CUBN: variants seen among roughly 807,000 people sequenced by gnomAD.
The protein encoded by CUBN is 460 kDa receptor.
Under a neutral mutation model 405.3 loss-of-function variants are expected in CUBN, and 282 were observed. That is an observed-to-expected ratio of 0.70 (90% confidence interval 0.63 to 0.77). The LOEUF (loss-of-function observed/expected upper bound fraction) is 0.77, where lower values mean the gene tolerates loss of function less well. CUBN is among the 30% of genes least tolerant of loss of function. The probability of loss-of-function intolerance (pLI) is 0.00; values close to 1 mark genes in which losing one functional copy is unlikely to be tolerated. For missense variants in CUBN, 4,514 were observed against 4,475.2 expected (o/e 1.01, Z -0.25); for synonymous variants, 1,684 against 1,617.0 (o/e 1.04, Z -0.99).
At chr10:16,860,888 C>T (rs1307836086) in intron 59 of CUBN, among the ~76,000 whole-genome samples, 3 of 152,140 alleles carry the variant, frequency 2.0e-5, no homozygotes, top group South Asian at 4.1e-4. Flanking sequence ...AAACATCATC[C>T]CCACAGGTGC....
chr10:16,896,172 A>G (rs1333599174), intron 54 of CUBN, among the ~76,000 whole-genome samples: 1 of 152,192 alleles, frequency 6.6e-6, no homozygotes, highest in African/African-American at 2.4e-5. Context: ...AGAGGGCATT[A>G]TAATTTCTTG....
chr10:17,030,119 C>G (rs908199346), intron 27 of CUBN, among the ~76,000 whole-genome samples: 2 of 152,276 alleles, frequency 1.3e-5, no homozygotes, highest in East Asian at 1.9e-4. Flanking sequence ...TTTCCCATCA[C>G]CCCCCAGTGG....
At chr10:17,125,618 A>G (rs879943636) in intron 4 of CUBN, among the ~76,000 whole-genome samples, 3 of 152,242 alleles carry the variant, frequency 2.0e-5, no homozygotes, top group African/African-American at 4.8e-5. Flanking sequence ...GGCCTAGTAG[A>G]AAATGAAATC....
Position 16,906,462 on chromosome 10 carries a change from G to A in CUBN, c.7706-53C>T, listed in dbSNP as rs113048050. The A allele has an allele frequency of 2.7e-5, 34 of 1,249,930 alleles. 1 individual carries two copies. Among genetic ancestry groups the A allele is most frequent in the African/African-American group, 2.2e-4 (15 of 67,882 alleles). 77.4% of individuals were successfully genotyped at this position (1,249,930 alleles called of 1,614,324 possible). A position where few individuals can be genotyped will look rare whatever the true frequency, so the allele number is the denominator to read the frequency against. ...GTAGTAGTAAGATTCAGGCCACAAC[G>A]GAAGAGATAAACAATACAGGAACAG... On this transcript the variant is annotated intron_variant, in intron 49 of 66. Coordinates refer to ENST00000377833, the MANE Select transcript of CUBN (RefSeq NM_001081.4).
intron 28 of CUBN, among the ~76,000 whole-genome samples, chr10:16,991,174 A>T (rs1479741693): frequency 6.6e-6 from 1 of 152,252 alleles, no homozygotes; most frequent in Non-Finnish European, 1.5e-5. Context: ...GCAGACCATG[A>T]CAACAAATAA....
At chr10:16,867,111 G>A (rs1840210335) in intron 59 of CUBN, among the ~76,000 whole-genome samples, 2 of 152,188 alleles carry the variant, frequency 1.3e-5, no homozygotes, top group South Asian at 4.1e-4. Flanking sequence ...AAACGGAAAT[G>A]TCATAGACTA....
At chr10:16,941,064 G>A (rs550068022) in intron 36 of CUBN, among the ~76,000 whole-genome samples, 1 of 152,160 alleles carries the variant, frequency 6.6e-6, no homozygotes, top group Non-Finnish European at 1.5e-5. Flanking sequence ...AAAGAGTCTG[G>A]AACATGTAGG....
intron 28 of CUBN, among the ~76,000 whole-genome samples, chr10:16,999,579 A>G (rs1055279239): frequency 2.6e-5 from 4 of 152,214 alleles, no homozygotes; most frequent in Non-Finnish European, 4.4e-5. Context: ...TTAGTATAAA[A>G]AGGTACAAGG....
At chr10:16,920,619 G>A (rs1842008025) in intron 43 of CUBN, among the ~76,000 whole-genome samples, 1 of 152,128 alleles carries the variant, frequency 6.6e-6, no homozygotes, top group Non-Finnish European at 1.5e-5. Flanking sequence ...GGATTTAGAT[G>A]CATTTGAGAA....
intron 64 of CUBN, among the ~76,000 whole-genome samples, chr10:16,834,400 TG>T (rs1421686279): frequency 6.7e-6 from 1 of 149,592 alleles, no homozygotes; most frequent in Admixed American, 6.7e-5. Context: ...GGGGTGGGAG[TG>T]GGGGGTGGGT....
chr10:16,915,082 C>T lies in CUBN; in HGVS notation c.7301G>A (p.Gly2434Asp). 1.2e-6 allele frequency: 2 copies of T among 1,614,000 alleles called. No homozygotes were observed. Among genetic ancestry groups the T allele is most frequent in the Non-Finnish European group, 1.7e-6 (2 of 1,179,942 alleles). ...NTAVVRFVTD[G>D]SVTASGFRLR... ...TCTGAATCCTGAGGCAGTCACAGAG[C>T]CGTCTGTGACAAACCTGACCACAGC... Residue 2434 changes from glycine (G) to aspartate (D), a missense_variant, in exon 47 of 67, where the codon GGC becomes GAC. Transcript: ENST00000377833.
chr10:16,842,654 A>G (rs370681281), intron 60 of CUBN, among the ~76,000 whole-genome samples: 1 of 152,216 alleles, frequency 6.6e-6, no homozygotes, highest in African/African-American at 2.4e-5. Flanking sequence ...CGGAGCAGCC[A>G]TAGTGTTCTC....
At chr10:17,129,386 G>A in intron 1 of CUBN, 136 bp from the exon 2 acceptor site, 1 of 1,062,100 alleles carries the variant, frequency 9.4e-7, no homozygotes, top group South Asian at 1.4e-5. Flanking sequence ...AACTGCCCCT[G>A]CTCATCTGCC....
chr10:16,836,437 C>A, intron 62 of CUBN, 55 bp from the exon 63 acceptor site: 1 of 1,521,686 alleles, frequency 6.6e-7, no homozygotes, highest in Non-Finnish European at 9.1e-7. Context: ...AGAGAACAGG[C>A]CATAACAGAA....
chr10:16,876,825 G>T, intron 57 of CUBN, 72 bp downstream of exon 57: 1 of 1,250,558 alleles, frequency 8.0e-7, no homozygotes, highest in Non-Finnish European at 1.2e-6. Flanking sequence ...TGTATGAATC[G>T]CAGTGAAAAC....
intron 28 of CUBN, among the ~76,000 whole-genome samples, chr10:17,012,483 A>T (rs1834212387): frequency 6.6e-6 from 1 of 152,180 alleles, no homozygotes; most frequent in Non-Finnish European, 1.5e-5. Flanking sequence ...GCTGCCGAAG[A>T]GTCTATTTGG....
chr10:17,097,504 C>T (rs1412279767), intron 14 of CUBN, among the ~76,000 whole-genome samples: 1 of 151,946 alleles, frequency 6.6e-6, no homozygotes, highest in Non-Finnish European at 1.5e-5. Context: ...CAAATCCTTC[C>T]AGAGAATATA....
intron 43 of CUBN, among the ~76,000 whole-genome samples, chr10:16,924,251 G>A (rs1842118650): frequency 6.6e-6 from 1 of 152,148 alleles, no homozygotes. Context: ...ATCAAGAGAT[G>A]GAGGGATGAG....
chr10:17,048,738 G>A (rs983691762), intron 22 of CUBN, among the ~76,000 whole-genome samples: 1 of 152,008 alleles, frequency 6.6e-6, no homozygotes, highest in Non-Finnish European at 1.5e-5. Context: ...AAAGGTTTTG[G>A]ATACAATAAA....
Sources: gnomAD v4.1 joint callset for allele counts (sites outside exome capture counted in the v4.1 genomes callset) on GRCh38, gnomAD v4.1.1 for gene constraint, MANE v1.5 for transcripts, NCBI Gene and HGNC (gene_info 2026-07-23, HGNC 2026-07-21) for gene names.